The following FHIP1A variants were observed in gnomAD, a reference collection of about 807,000 sequenced individuals.
FHIP1A encodes FHF complex subunit HOOK-interacting protein 1A.
FHIP1A carries 61 observed loss-of-function variants against 88.6 expected under a neutral mutation model. The ratio of observed to expected loss-of-function variants is 0.69; its 90% CI spans 0.56 to 0.85. FHIP1A has a LOEUF of 0.85. Ranked by LOEUF, FHIP1A falls within the 40% of genes least tolerant of loss-of-function variation. FHIP1A has a pLI of 0.00. For missense variants in FHIP1A, 1,154 were observed against 1,273.5 expected (o/e 0.91, Z 1.43); for synonymous variants, 478 against 496.0 (o/e 0.96, Z 0.48).
Position 151,566,226 on chromosome 4 carries a change from A to G in FHIP1A, c.-34A>G. ...GCTTACCAAATTTTAATGAAAATTAAATATGACTTAGAAGCATTGATTTAT... is the reference window on the plus strand; with the variant it reads ...GCTTACCAAATTTTAATGAAAATTAGATATGACTTAGAAGCATTGATTTAT... On this transcript the variant is annotated 5_prime_UTR_variant, in exon 4 of 14. Coordinates refer to ENST00000435205, the MANE Select transcript of FHIP1A (RefSeq NM_001109977.3). 2 of 1,349,706 alleles carry G rather than the reference A, an allele frequency of 1.5e-6. No individual in the cohort carries two copies. Among genetic ancestry groups the G allele is most frequent in the East Asian group, 2.6e-5 (1 of 38,692 alleles). The allele number at this position is 1,349,706 out of a possible 1,614,324, so 83.6% of individuals were successfully genotyped here. A position where few individuals can be genotyped will look rare whatever the true frequency, so the allele number is the denominator to read the frequency against.
intron 2 of FHIP1A, among the ~76,000 whole-genome samples, chr4:151,456,744 A>G (rs1253884296): frequency 6.6e-6 from 1 of 152,076 alleles, no homozygotes; most frequent in Non-Finnish European, 1.5e-5. Flanking sequence ...TTTTTTTTCA[A>G]TGTAAATGAT....
At position 151,638,649 on chromosome 4, in the gene FHIP1A, A is replaced by G. The variant is rs1013348622; in HGVS notation, c.1147-28A>G. ...GTAGAGTTATCGTTCCAACATCTGA[A>G]CTAGAATGTGTGTCTCTTGCTTCCC... is the stretch of plus-strand genomic sequence containing the variant. On this transcript the variant is annotated intron_variant, in intron 8 of 13. Transcript: ENST00000435205. The G allele has an allele frequency of 2.1e-6, 3 of 1,413,948 alleles. No homozygotes were observed. In the African/African-American group the frequency reaches 4.3e-5, roughly 20 times the overall value. The allele number at this position is 1,413,948 out of a possible 1,614,324, so 87.6% of individuals were successfully genotyped here.
intron 2 of FHIP1A, among the ~76,000 whole-genome samples, chr4:151,475,915 G>A (rs1337171695): frequency 6.7e-6 from 1 of 149,160 alleles, no homozygotes; most frequent in African/African-American, 2.5e-5. Context: ...AGGCTGGAGT[G>A]CAATGGCATA....
At chr4:151,599,445 G>GAC (rs1734776053) in intron 7 of FHIP1A, among the ~76,000 whole-genome samples, 1 of 138,160 alleles carries the variant, frequency 7.2e-6, no homozygotes, top group Non-Finnish European at 1.7e-5. Flanking sequence ...CTGTGTGAGA[G>GAC]AAAATAGGAG....
intron 10 of FHIP1A, among the ~76,000 whole-genome samples, chr4:151,647,145 C>T (rs546442030): frequency 7.2e-5 from 11 of 152,270 alleles, no homozygotes; most frequent in African/African-American, 2.6e-4. Flanking sequence ...TAAGGATTTA[C>T]ATATTATTAT....
chr4:151,507,445 GA>G, intron 3 of FHIP1A, among the ~76,000 whole-genome samples: 1 of 152,232 alleles, frequency 6.6e-6, no homozygotes, highest in African/African-American at 2.4e-5. Flanking sequence ...GAAAAAATGT[GA>G]AAAGTTAGAA....
intron 3 of FHIP1A, among the ~76,000 whole-genome samples, chr4:151,510,388 G>A (rs1560738839): frequency 6.6e-6 from 1 of 152,124 alleles, no homozygotes; most frequent in African/African-American, 2.4e-5. Context: ...GGATTTATAA[G>A]CATGAGCTAC....
intron 7 of FHIP1A, among the ~76,000 whole-genome samples, chr4:151,598,780 G>A (rs905195773): frequency 1.6e-4 from 24 of 152,206 alleles, no homozygotes; most frequent in Admixed American, 9.8e-4. Flanking sequence ...TATTCACAAC[G>A]TAAACTTCAA....
chr4:151,531,504 CTT>C (rs10711474), intron 3 of FHIP1A, among the ~76,000 whole-genome samples: 68 of 145,196 alleles, frequency 4.7e-4, no homozygotes, highest in Non-Finnish European at 3.9e-4. Flanking sequence ...CTTTTTTCTT[CTT>C]TTTTTTTTTT....
In FHIP1A at chr4:151,604,092, A is replaced by G. The variant is rs144762676; in HGVS notation, c.978+15166A>G. Among the ~76,000 whole-genome samples, 5 of 151,964 alleles carry G rather than the reference A, an allele frequency of 3.3e-5. No homozygotes were observed. The East Asian group carries it at 7.7e-4, about 24-fold the overall frequency. On this transcript the variant is annotated intron_variant, in intron 7 of 13. Transcript: ENST00000435205. ...ATTCTTGGTTCAAGGCCTCTCTCCTATACTCAGTCCGTTTTCTCTGCTTGG... is the reference window on the plus strand; with the variant it reads ...ATTCTTGGTTCAAGGCCTCTCTCCTGTACTCAGTCCGTTTTCTCTGCTTGG...
At chr4:151,424,383 G>T (rs1465929829) in intron 1 of FHIP1A, among the ~76,000 whole-genome samples, 1 of 152,166 alleles carries the variant, frequency 6.6e-6, no homozygotes, top group Non-Finnish European at 1.5e-5. Flanking sequence ...AGGAGGTGGT[G>T]TTTACTCCCG....
intron 3 of FHIP1A, among the ~76,000 whole-genome samples, chr4:151,517,783 A>C (rs940803255): frequency 1.3e-5 from 2 of 152,150 alleles, no homozygotes; most frequent in African/African-American, 4.8e-5. Flanking sequence ...TTTAACAAAA[A>C]AGTTTTAAAA....
At chr4:151,538,477 C>T (rs1732150534) in intron 3 of FHIP1A, among the ~76,000 whole-genome samples, 1 of 152,156 alleles carries the variant, frequency 6.6e-6, no homozygotes, top group South Asian at 2.1e-4. Flanking sequence ...AAATCAGAAT[C>T]TGAAGGGATA....
chr4:151,442,771 T>C (rs1434184663), intron 1 of FHIP1A, among the ~76,000 whole-genome samples: 5 of 152,182 alleles, frequency 3.3e-5, no homozygotes, highest in African/African-American at 1.2e-4. Flanking sequence ...CCTGCATTGG[T>C]CCTTTGTTTC....
In FHIP1A at chr4:151,662,586, C is replaced by T. The variant is rs1472680597; in HGVS notation, c.2955C>T (p.His985=). The change falls in exon 14 of 14, where the codon CAC becomes CAT. Residue 985 remains histidine, a synonymous_variant. Transcript: ENST00000435205. ...PPRVLQPFLT[H]RTKVAEAPPN... is the part of the protein sequence containing the mutation. The stretch of plus-strand genomic sequence containing the variant: ...GAGTGCTTCAGCCCTTCCTGACCCA[C>T]AGAACCAAGGTGGCTGAGGCACCCC... The T allele has an allele frequency of 5.2e-6, 8 of 1,551,582 alleles. No homozygotes were observed. Among genetic ancestry groups the T allele is most frequent in the Non-Finnish European group, 7.0e-6 (8 of 1,146,958 alleles).
chr4:151,441,026 C>T (rs141759115), intron 1 of FHIP1A, among the ~76,000 whole-genome samples: 16 of 152,228 alleles, frequency 1.1e-4, no homozygotes, highest in African/African-American at 2.6e-4. Context: ...TAATTGACTA[C>T]GCCAGCTTCT....
At chr4:151,549,381 A>G (rs1303487594) in intron 3 of FHIP1A, among the ~76,000 whole-genome samples, 2 of 151,626 alleles carry the variant, frequency 1.3e-5, no homozygotes, top group African/African-American at 4.8e-5. Context: ...TATATTTAAC[A>G]TTGGGAGGCT....
intron 1 of FHIP1A, among the ~76,000 whole-genome samples, chr4:151,446,653 TTA>T (rs1395385500): frequency 4.6e-5 from 7 of 151,676 alleles, no homozygotes; most frequent in Non-Finnish European, 1.0e-4. Flanking sequence ...TTTAAAAAGT[TTA>T]GAGTCTTTTT....
intron 3 of FHIP1A, among the ~76,000 whole-genome samples, chr4:151,527,094 G>A (rs1225479139): frequency 6.6e-6 from 1 of 152,060 alleles, no homozygotes; most frequent in African/African-American, 2.4e-5. Flanking sequence ...CGGCCGGGCA[G>A]AGACGCTCCT....
Sources: gnomAD v4.1 joint callset for allele counts (sites outside exome capture counted in the v4.1 genomes callset) on GRCh38, gnomAD v4.1.1 for gene constraint, MANE v1.5 for transcripts, NCBI Gene and HGNC (gene_info 2026-07-23, HGNC 2026-07-21) for gene names.